The following TOX variants were observed in gnomAD, a reference collection of about 807,000 sequenced individuals.
TOX encodes thymocyte selection-associated high mobility group box protein TOX.
TOX carries 11 observed loss-of-function variants against 53.7 expected under a neutral mutation model. The ratio of observed to expected loss-of-function variants is 0.20; its 90% CI spans 0.13 to 0.34. TOX has a LOEUF of 0.34. TOX is among the 10% of genes least tolerant of loss of function. TOX has a pLI of 1.00. For missense variants in TOX, 570 were observed against 664.6 expected, an observed-to-expected ratio of 0.86 and a Z score of 1.56; for synonymous variants, 225 against 245.3, an observed-to-expected ratio of 0.92 and a Z score of 0.77.
chr8:58,857,336 T>G (rs769863401), intron 3 of TOX, among the ~76,000 whole-genome samples: 4 of 152,218 alleles, frequency 2.6e-5, no homozygotes, highest in Admixed American at 6.5e-5. Flanking sequence ...ATGTCCTGCA[T>G]GTCATTGGCA....
At position 58,815,766 on chromosome 8, in the gene TOX, T is replaced by A. The variant is rs774923219; in HGVS notation, c.1006-42A>T. The A allele has an allele frequency of 3.1e-5, 48 of 1,554,572 alleles. 1 individual carries two copies. Among genetic ancestry groups the A allele is most frequent in the African/African-American group, 4.1e-5 (3 of 73,286 alleles). ...TGAGCAGAGTTGGGAGGCTGATACA[T>A]GAGTGTTGATTCAAGGTATGACGCT... On this transcript the variant is annotated intron_variant, in intron 6 of 8. Coordinates refer to ENST00000361421, the MANE Select transcript of TOX (RefSeq NM_014729.3).
intron 1 of TOX, among the ~76,000 whole-genome samples, chr8:59,104,665 C>G (rs1456963497): frequency 6.6e-6 from 1 of 152,154 alleles, no homozygotes; most frequent in East Asian, 1.9e-4. Flanking sequence ...TATGTTAATT[C>G]AAATAGCCCT....
rs1416779734 is a variant in TOX at position 58,939,445 on chromosome 8, C to G, written c.268G>C (p.Glu90Gln). Residue 90 changes from glutamate (E) to glutamine (Q), a missense_variant, in exon 3 of 9, where the codon GAG becomes CAG. Transcript: ENST00000361421. ...TGACACAGAGAATGGTAACCAGACT[C>G]AACTTCATTCAGGTGCACCAGCGAG... Reference protein sequence around the residue: ...DHSLVHLNEVESGYHSLCHPM... With the variant: ...DHSLVHLNEVQSGYHSLCHPM... The G allele has an allele frequency of 6.2e-7, 1 of 1,614,160 alleles. No homozygotes were observed. Among genetic ancestry groups the G allele is most frequent in the South Asian group, 1.1e-5 (1 of 91,076 alleles).
At chr8:58,902,091 T>C (rs1413179257) in intron 3 of TOX, among the ~76,000 whole-genome samples, 3 of 152,212 alleles carry the variant, frequency 2.0e-5, no homozygotes, top group African/African-American at 7.2e-5. Flanking sequence ...TTATAAATAT[T>C]TCTATATTTA....
chr8:58,844,903 C>T (rs1473752866), intron 4 of TOX, among the ~76,000 whole-genome samples: 1 of 151,998 alleles, frequency 6.6e-6, no homozygotes, highest in African/African-American at 2.4e-5. Flanking sequence ...TTCTCAAATC[C>T]CTAGAGGTGC....
At chr8:59,035,013 G>A (rs1814431000) in intron 1 of TOX, among the ~76,000 whole-genome samples, 1 of 152,138 alleles carries the variant, frequency 6.6e-6, no homozygotes, top group Admixed American at 6.5e-5. Flanking sequence ...ACGCTCTGGA[G>A]GTGCTCTGAT....
At chr8:58,869,974 A>G (rs1382111640) in intron 3 of TOX, among the ~76,000 whole-genome samples, 1 of 152,056 alleles carries the variant, frequency 6.6e-6, no homozygotes, top group African/African-American at 2.4e-5. Context: ...TATCATACTT[A>G]ATGGTGGGAA....
chr8:58,927,801 GCAC>G (rs1278025984), intron 3 of TOX, among the ~76,000 whole-genome samples: 10 of 152,252 alleles, frequency 6.6e-5, no homozygotes, highest in African/African-American at 2.2e-4. Context: ...GGCTTCAGAT[GCAC>G]AGACCAGATC....
At chr8:58,877,317 A>G (rs1811302256) in intron 3 of TOX, among the ~76,000 whole-genome samples, 2 of 152,236 alleles carry the variant, frequency 1.3e-5, no homozygotes, top group African/African-American at 4.8e-5. Flanking sequence ...CATATTTAAA[A>G]TAGCTATGGA....
intron 1 of TOX, among the ~76,000 whole-genome samples, chr8:59,067,745 C>A (rs1804120990): frequency 6.6e-6 from 1 of 151,614 alleles, no homozygotes; most frequent in Non-Finnish European, 1.5e-5. Flanking sequence ...GTTAAAAACT[C>A]CATCCCTGAT....
chr8:58,970,437 C>T (rs1245794916), intron 1 of TOX, among the ~76,000 whole-genome samples: 1 of 152,134 alleles, frequency 6.6e-6, no homozygotes, highest in Admixed American at 6.5e-5. Context: ...ATTTATCCTC[C>T]AGCTTGGAAC....
chr8:58,998,579 A>AATAAATTTATATGTAATAAATTTATTAC (rs1554537385), intron 1 of TOX, among the ~76,000 whole-genome samples: 42 of 143,692 alleles, frequency 2.9e-4, no homozygotes, highest in African/African-American at 1.1e-3. Context: ...ATGTATATAT[A>AATAAATTTATATGTAATAAATTTATTAC]ATAAATTTAT....
At chr8:59,061,524 T>C (rs1220198364) in intron 1 of TOX, among the ~76,000 whole-genome samples, 3 of 152,184 alleles carry the variant, frequency 2.0e-5, no homozygotes, top group African/African-American at 4.8e-5. Flanking sequence ...AATTTTTAAA[T>C]AAATGTTTTA....
chr8:58,864,562 T>C (rs893814856), intron 3 of TOX, among the ~76,000 whole-genome samples: 2 of 152,216 alleles, frequency 1.3e-5, no homozygotes, highest in African/African-American at 4.8e-5. Context: ...CATTTTTATC[T>C]AGAGCTTTAC....
At chr8:58,963,930 A>G (rs1812845479) in intron 1 of TOX, among the ~76,000 whole-genome samples, 1 of 152,210 alleles carries the variant, frequency 6.6e-6, no homozygotes, top group East Asian at 1.9e-4. Context: ...TGGATTAAAT[A>G]TATTATCTTT....
At chr8:58,985,040 G>C (rs992257200) in intron 1 of TOX, among the ~76,000 whole-genome samples, 1 of 149,790 alleles carries the variant, frequency 6.7e-6, no homozygotes, top group East Asian at 1.9e-4. Context: ...TTTGACTATG[G>C]ACATCTATAT....
chr8:58,982,348 C>T (rs1440155623), intron 1 of TOX, among the ~76,000 whole-genome samples: 1 of 152,224 alleles, frequency 6.6e-6, no homozygotes, highest in African/African-American at 2.4e-5. Flanking sequence ...CGCCCTTCTA[C>T]AGAGAAGATC....
intron 3 of TOX, among the ~76,000 whole-genome samples, chr8:58,876,631 C>G (rs1484528967): frequency 6.6e-6 from 1 of 152,068 alleles, no homozygotes; most frequent in Non-Finnish European, 1.5e-5. Context: ...GGGAATTGTC[C>G]TGCGGAGGCT....
chr8:59,012,392 G>T (rs987477971), intron 1 of TOX, among the ~76,000 whole-genome samples: 3 of 152,020 alleles, frequency 2.0e-5, no homozygotes, highest in African/African-American at 2.4e-5. Context: ...AGGCCCAAGG[G>T]AGTGGAGAGT....
Sources: allele counts gnomAD v4.1 joint callset (sites outside exome capture counted in the v4.1 genomes callset), GRCh38; gene constraint gnomAD v4.1.1; transcripts MANE v1.5; gene names NCBI Gene and HGNC (gene_info 2026-07-23, HGNC 2026-07-21).